The following NDUFAF1 variants were observed in gnomAD, a reference collection of about 807,000 sequenced individuals.
NDUFAF1 encodes complex I intermediate-associated protein 30, mitochondrial.
NDUFAF1 carries 18 observed loss-of-function variants against 28.7 expected under a neutral mutation model. That is an observed-to-expected ratio of 0.63 (90% CI 0.43 to 0.93). NDUFAF1 has a LOEUF of 0.93. Ranked by LOEUF, NDUFAF1 falls within the 40% of genes least tolerant of loss-of-function variation. The pLI, the probability that NDUFAF1 is intolerant of heterozygous loss-of-function variation, is 0.00. For synonymous variants in NDUFAF1, 113 were observed against 139.7 expected, an observed-to-expected ratio of 0.81 and a Z score of 1.35; for missense variants, 404 against 398.3, an observed-to-expected ratio of 1.01 and a Z score of -0.12.
rs148393003 is a variant in NDUFAF1 at position 41,395,650 on chromosome 15, A to G, written c.574-606T>C. ...CACCCAAAGTGTGGGGATTACAGGC[A>G]TGAGCCACTGCGCCCGGCCTTTTTT... On this transcript the variant is annotated intron_variant, in intron 2 of 4. Transcript: ENST00000260361. 9.1e-3 allele frequency among the ~76,000 whole-genome samples: 1,291 copies of G among 142,444 alleles called. 14 individuals carry two copies. The highest frequency in any genetic ancestry group is 0.047 in the East Asian group (215 of 4,606). The allele number at this position is 142,444 out of a possible 152,430, so 93.4% of individuals were successfully genotyped here.
intron 3 of NDUFAF1, chr15:41,393,955 C>T (rs2050347905): frequency 4.1e-6 from 1 of 245,738 alleles, no homozygotes; most frequent in African/African-American, 2.3e-5. Context: ...GTGATTTACC[C>T]ACCTTGGCCT....
intron 3 of NDUFAF1, 117 bp downstream of exon 3, chr15:41,394,742 T>C: frequency 1.1e-6 from 1 of 914,636 alleles, no homozygotes; most frequent in East Asian, 3.4e-5. Context: ...GGTCTCGAAC[T>C]CCTGACCTCA....
chr15:41,390,157 T>C (rs541553632), intron 3 of NDUFAF1, among the ~76,000 whole-genome samples: 8 of 152,100 alleles, frequency 5.3e-5, no homozygotes, highest in African/African-American at 1.9e-4. Context: ...GAGACAGGGT[T>C]TTGCCATGTT....
intron 3 of NDUFAF1, chr15:41,394,378 A>C: frequency 7.8e-7 from 1 of 1,288,996 alleles, no homozygotes; most frequent in Middle Eastern, 2.1e-4. Flanking sequence ...ATGAAATGGC[A>C]GAAACTTCTA....
intron 1 of NDUFAF1, among the ~76,000 whole-genome samples, chr15:41,399,295 C>A (rs1165820487): frequency 6.6e-6 from 1 of 151,916 alleles, no homozygotes; most frequent in Non-Finnish European, 1.5e-5. Context: ...ACTTGGGAGG[C>A]CTAGGCATAA....
chr15:41,402,056 A>G (rs1197711743), intron 1 of NDUFAF1, 88 bp downstream of exon 1: 1 of 342,940 alleles, frequency 2.9e-6, no homozygotes, highest in East Asian at 7.5e-5. Context: ...TAACTGGACA[A>G]TACCGCCCTG....
chr15:41,400,038 C>T (rs2050442019), intron 1 of NDUFAF1, among the ~76,000 whole-genome samples: 1 of 151,570 alleles, frequency 6.6e-6, no homozygotes, highest in Non-Finnish European at 1.5e-5. Context: ...CCAGCTTGGG[C>T]AACAGAGCAG....
In NDUFAF1 at chr15:41,395,705, G is replaced by A. The variant is rs111602390; in HGVS notation, c.574-661C>T. 7.9e-3 allele frequency among the ~76,000 whole-genome samples: 764 copies of A among 96,478 alleles called. 7 individuals carry two copies. The highest frequency in any genetic ancestry group is 0.033 in the Middle Eastern group (3 of 90). The allele number at this position is 96,478 out of a possible 152,430, so 63.3% of individuals were successfully genotyped here. On this transcript the variant is annotated intron_variant, in intron 2 of 4. Coordinates refer to ENST00000260361, the MANE Select transcript of NDUFAF1 (RefSeq NM_016013.4). Reference sequence around the variant, plus strand: ...TTTTTTTTTTTTGAGACAAAGTTTCGCTCTTGTTGCCCAGACTGGAGTGCA... The same window carrying A: ...TTTTTTTTTTTTGAGACAAAGTTTCACTCTTGTTGCCCAGACTGGAGTGCA...
At chr15:41,399,722 G>A (rs899723035) in intron 1 of NDUFAF1, among the ~76,000 whole-genome samples, 7 of 150,642 alleles carry the variant, frequency 4.6e-5, no homozygotes, top group Non-Finnish European at 1.0e-4. Context: ...CGGGCGTAGT[G>A]GCGGGCGCCT....
In NDUFAF1 at chr15:41,387,412, T is replaced by C. The variant is rs1225373663; in HGVS notation, c.*32A>G. ...ATATCATTGTAGATGCTAGTACCCT[T>C]AGATTAGTAAAACAAAACTACCATA... On this transcript the variant is annotated 3_prime_UTR_variant, in exon 5 of 5. Coordinates refer to ENST00000260361, the MANE Select transcript of NDUFAF1 (RefSeq NM_016013.4). 1 of 1,602,464 alleles carries C rather than the reference T, an allele frequency of 6.2e-7. No homozygotes were observed. The highest frequency in any genetic ancestry group is 8.6e-7 in the Non-Finnish European group (1 of 1,169,570).
Position 41,388,525 on chromosome 15 carries a change from G to A in NDUFAF1, c.760-3C>T, listed in dbSNP as rs751247707. 3 of 1,598,796 alleles carry A rather than the reference G, an allele frequency of 1.9e-6. No individual in the cohort carries two copies. Among genetic ancestry groups the A allele is most frequent in the South Asian group, 2.2e-5 (2 of 90,744 alleles). On this transcript the variant is annotated splice_polypyrimidine_tract_variant and splice_region_variant and intron_variant, in intron 3 of 4. Coordinates refer to ENST00000260361, the MANE Select transcript of NDUFAF1 (RefSeq NM_016013.4). ...AAGAAAAATTTGGAAAAAGGAATCT[G>A]AAAGAAGAAACCATTTACTTCATAA...
upstream of NDUFAF1, among the ~76,000 whole-genome samples, chr15:41,402,709 G>T (rs2140934996): frequency 6.6e-6 from 1 of 150,822 alleles, no homozygotes; most frequent in South Asian, 2.1e-4. Flanking sequence ...CTTTCAGGCG[G>T]CAAACTCCAT....
At chr15:41,400,623 C>T in intron 1 of NDUFAF1, among the ~76,000 whole-genome samples, 1 of 149,560 alleles carries the variant, frequency 6.7e-6, no homozygotes, top group Admixed American at 6.7e-5. Context: ...CCCGGGTTCA[C>T]GCCATTCTCC....
rs529910453 is a variant in NDUFAF1 at position 41,402,240 on chromosome 15, A to G, written c.-178T>C. ...TTCAATTATAGAGACGAAGAAACTG[A>G]CGTTCCAAGGCTAATTTACCCGAGG... is the stretch of plus-strand genomic sequence containing the variant. On this transcript the variant is annotated 5_prime_UTR_variant, in exon 1 of 5. Transcript: ENST00000260361. 2 of 454,112 alleles carry G rather than the reference A, an allele frequency of 4.4e-6. No individual in the cohort carries two copies. Among genetic ancestry groups the G allele is most frequent in the East Asian group, 1.4e-4 (2 of 14,400 alleles). 28.1% of individuals were successfully genotyped at this position (454,112 alleles called of 1,614,324 possible).
intron 3 of NDUFAF1, among the ~76,000 whole-genome samples, chr15:41,390,121 A>T (rs2050298964): frequency 1.3e-5 from 2 of 151,890 alleles, no homozygotes. Context: ...ATGCCACCAC[A>T]CTGGGCTAAT....
At chr15:41,389,702 G>A (rs949189391) in intron 3 of NDUFAF1, among the ~76,000 whole-genome samples, 4 of 152,112 alleles carry the variant, frequency 2.6e-5, no homozygotes, top group African/African-American at 7.2e-5. Flanking sequence ...GAGGCTGGGA[G>A]GTTGGGGCTA....
At chr15:41,393,934 C>T (rs1471267025) in intron 3 of NDUFAF1, among the ~76,000 whole-genome samples, 5 of 150,854 alleles carry the variant, frequency 3.3e-5, no homozygotes, top group African/African-American at 1.2e-4. Context: ...GTCTCAAACT[C>T]CTGATCTCAG....
chr15:41,394,887 C>T lies in NDUFAF1; in HGVS notation c.731G>A (p.Arg244His), dbSNP rs780883829. Residue 244 changes from arginine (R) to histidine (H), a missense_variant, in exon 3 of 5, where the codon CGC becomes CAC. Transcript: ENST00000260361. The part of the protein sequence containing the change: ...NQMYSYFMFT[R>H]GGPYWQEVKI... ...GACCTCCTGCCAGTAGGGTCCCCCG[C>T]GGGTGAACATGAAGTAACTATACAT... 2.2e-5 allele frequency: 35 copies of T among 1,613,858 alleles called. No individual in the cohort carries two copies. Among genetic ancestry groups the T allele is most frequent in the African/African-American group, 4.0e-5 (3 of 74,850 alleles).
intron 3 of NDUFAF1, among the ~76,000 whole-genome samples, chr15:41,393,248 C>G (rs979884233): frequency 1.5e-4 from 23 of 151,264 alleles, no homozygotes; most frequent in East Asian, 5.8e-4. Flanking sequence ...CCTCAGCCCC[C>G]CTAGTAGCTG....
Sources: allele counts gnomAD v4.1 joint callset (sites outside exome capture counted in the v4.1 genomes callset), GRCh38; gene constraint gnomAD v4.1.1; transcripts MANE v1.5; gene names NCBI Gene and HGNC (gene_info 2026-07-23, HGNC 2026-07-21).